HPS4: variants seen among roughly 807,000 people sequenced by gnomAD.
HPS4 encodes HPS4 biogenesis of lysosomal organelles complex 3 subunit 2.
A neutral mutation model predicts 70.3 loss-of-function variants in HPS4; 44 were observed. That is an observed-to-expected ratio of 0.63 (90% CI 0.49 to 0.80). HPS4 has a LOEUF of 0.80. HPS4 is among the 30% of genes least tolerant of loss of function. The probability of loss-of-function intolerance (pLI) is 0.00; values close to 1 mark genes in which losing one functional copy is unlikely to be tolerated. For missense variants in HPS4, 873 were observed against 884.4 expected, an observed-to-expected ratio of 0.99 and a Z score of 0.16; for synonymous variants, 377 against 355.9, an observed-to-expected ratio of 1.06 and a Z score of -0.67.
At chr22:26,481,576 G>C in intron 2 of HPS4, 146 bp downstream of exon 2, 1 of 760,842 alleles carries the variant, frequency 1.3e-6, no homozygotes, top group Non-Finnish European at 2.3e-6. Flanking sequence ...TGGCTCACGT[G>C]CTTGATTCAG....
rs201060756 is a variant in HPS4, at chr22:26,472,802, A to G, written c.384+30T>C. ...ATACCGGTTTTTATAAAGAGGCCCA[A>G]TGTAAGACTCCTCAACCCCATACTT... is the stretch of plus-strand genomic sequence containing the variant. On this transcript the variant is annotated intron_variant, in intron 5 of 13. Transcript: ENST00000398145. The G allele has an allele frequency of 4.9e-4, 744 of 1,524,758 alleles. 5 individuals are homozygous for G. The highest frequency in any genetic ancestry group is 9.4e-5 in the Non-Finnish European group (103 of 1,098,488). 94.5% of individuals were successfully genotyped at this position (1,524,758 alleles called of 1,614,324 possible). A position where few individuals can be genotyped will look rare whatever the true frequency, so the allele number is the denominator to read the frequency against.
intron 7 of HPS4, among the ~76,000 whole-genome samples, chr22:26,469,283 C>CAAAAAAAAA (rs5844704): frequency 9.5e-6 from 1 of 105,446 alleles, no homozygotes. Context: ...CCCATCTCTA[C>CAAAAAAAAA]AAAAAAAAAA....
rs773877528 is a variant in HPS4, at chr22:26,453,218, C to A, written c.*15G>T. 2 of 1,613,778 alleles carry A rather than the reference C, an allele frequency of 1.2e-6. No individual in the cohort carries two copies. The highest frequency in any genetic ancestry group is 1.7e-4 in the Middle Eastern group (1 of 6,060). ...TTGCTGGTTTTCTCCTTCCCAGTCA[C>A]CTCCTGGGTGCAGTTCAGAGCAAGT... On this transcript the variant is annotated 3_prime_UTR_variant, in exon 14 of 14. Transcript: ENST00000398145.
intron 2 of HPS4, chr22:26,479,608 A>G: frequency 7.5e-7 from 1 of 1,329,722 alleles, no homozygotes; most frequent in Non-Finnish European, 9.6e-7. Context: ...GAGTAGCTAG[A>G]AAAAAAAACG....
In HPS4 at chr22:26,472,291, G is replaced by A; in HGVS notation, c.501+11C>T. On this transcript the variant is annotated intron_variant, in intron 6 of 13. Transcript: ENST00000398145. ...TACATATAAAATGAATAAGGAGGATGAAAATGTTACTTTAGTTTGGTCCAA... is the reference window on the plus strand; with the variant it reads ...TACATATAAAATGAATAAGGAGGATAAAAATGTTACTTTAGTTTGGTCCAA... 1.4e-6 allele frequency: 2 copies of A among 1,469,624 alleles called. No homozygotes were observed. Among genetic ancestry groups the A allele is most frequent in the African/African-American group, 1.4e-5 (1 of 72,324 alleles). 91.0% of individuals were successfully genotyped at this position (1,469,624 alleles called of 1,614,324 possible). A position where few individuals can be genotyped will look rare whatever the true frequency, so the allele number is the denominator to read the frequency against.
At chr22:26,478,776 T>C (rs1289409473) in intron 3 of HPS4, among the ~76,000 whole-genome samples, 1 of 151,830 alleles carries the variant, frequency 6.6e-6, no homozygotes. Flanking sequence ...CTCTGCCTCC[T>C]GGATTCAAGC....
intron 3 of HPS4, among the ~76,000 whole-genome samples, chr22:26,445,275 A>C (rs1289465450): frequency 6.6e-6 from 1 of 152,182 alleles, no homozygotes; most frequent in Non-Finnish European, 1.5e-5. Context: ...CGGGGGCTGC[A>C]GTGAGCCTAG....
At chr22:26,468,425 G>C (rs1253335228) in intron 8 of HPS4, 126 bp downstream of exon 8, 3 of 790,898 alleles carry the variant, frequency 3.8e-6, no homozygotes, top group South Asian at 1.5e-5. Context: ...TGGAGGACTT[G>C]GGGTCCTGAC....
At chr22:26,477,252 G>A in intron 3 of HPS4, 116 bp from the exon 4 acceptor site, 1 of 1,041,038 alleles carries the variant, frequency 9.6e-7, no homozygotes, top group South Asian at 1.3e-5. Context: ...GTTTTCCTAT[G>A]GCCTGTAAGC....
chr22:26,472,485 C>A, intron 5 of HPS4, 67 bp from the exon 6 acceptor site: 2 of 1,007,932 alleles, frequency 2.0e-6, no homozygotes, highest in Non-Finnish European at 3.2e-6. Context: ...GCCAGAGTCC[C>A]AACTACCTCA....
At position 26,464,319 on chromosome 22, in the gene HPS4, A is replaced by C; in HGVS notation, c.1311T>G (p.His437Gln). 6.2e-7 allele frequency: 1 copy of C among 1,614,106 alleles called. No homozygotes were observed. The highest frequency in any genetic ancestry group is 1.3e-5 in the African/African-American group (1 of 75,036). Residue 437 changes from histidine to glutamine, a missense_variant, in exon 11 of 14, where the codon CAT (histidine) becomes CAG (glutamine). Physicochemically the swap from His to Gln is conservative, Grantham distance 24. Coordinates refer to ENST00000398145, the MANE Select transcript of HPS4 (RefSeq NM_022081.6). ...GGTCTTCGAGCTGCTCTTGGGCTCC[A>C]TGCTGGGTCAGCATCTCAGGAGCAG... ...PPSAPEMLTQHGAQEQLEDHP... is the reference protein window; with the variant it reads ...PPSAPEMLTQQGAQEQLEDHP...
chr22:26,475,610 C>A, intron 4 of HPS4: 1 of 152,194 alleles, frequency 6.6e-6, no homozygotes, highest in Non-Finnish European at 1.5e-5. Context: ...TCTTGGCCTC[C>A]CAAAGTGCTG....
chr22:26,476,355 CT>C (rs879845350), intron 4 of HPS4: 554 of 143,198 alleles, frequency 3.9e-3, no homozygotes, highest in East Asian at 4.0e-3. Flanking sequence ...GATTTTTATT[CT>C]TTTTTTTTTT....
At chr22:26,464,948 T>A in intron 10 of HPS4, 122 bp from the exon 11 acceptor site, 1 of 849,540 alleles carries the variant, frequency 1.2e-6, no homozygotes, top group Non-Finnish European at 1.8e-6. Flanking sequence ...CCACAGAGCC[T>A]AAGAGGCCAC....
At chr22:26,445,398 T>A (rs2084920641) in intron 3 of HPS4, among the ~76,000 whole-genome samples, 1 of 152,148 alleles carries the variant, frequency 6.6e-6, no homozygotes, top group South Asian at 2.1e-4. Context: ...TTGAGTGATG[T>A]CACAGAGACA....
At chr22:26,470,624 A>G (rs532659605) in intron 7 of HPS4, 95 bp downstream of exon 7, 2 of 1,259,734 alleles carry the variant, frequency 1.6e-6, no homozygotes, top group Admixed American at 3.6e-5. Flanking sequence ...GGAACTGGCC[A>G]GAGACTGGGC....
intron 11 of HPS4, among the ~76,000 whole-genome samples, chr22:26,462,032 A>T (rs1486928514): frequency 2.0e-5 from 3 of 151,824 alleles, no homozygotes; most frequent in African/African-American, 7.3e-5. Flanking sequence ...AGGTTGAGGT[A>T]GGAGAACCGC....
intron 11 of HPS4, among the ~76,000 whole-genome samples, chr22:26,460,033 A>C (rs1270070559): frequency 6.6e-6 from 1 of 152,246 alleles, no homozygotes; most frequent in Non-Finnish European, 1.5e-5. Flanking sequence ...TATTGGTGTT[A>C]AATCAGTTTT....
Position 26,468,536 on chromosome 22 carries a change from T to C in HPS4, c.669+15A>G, listed in dbSNP as rs2089161988. 2 of 1,612,076 alleles carry C rather than the reference T, an allele frequency of 1.2e-6. No homozygotes were observed. The highest frequency in any genetic ancestry group is 1.3e-5 in the African/African-American group (1 of 74,932). On this transcript the variant is annotated intron_variant, in intron 8 of 13. Coordinates refer to ENST00000398145, the MANE Select transcript of HPS4 (RefSeq NM_022081.6). ...GGGGGATGCTGTCCAGCCAGGTGGG[T>C]GGACTTTACAATACCTGCTCCTGAG...
Sources: gnomAD v4.1 joint callset for allele counts (sites outside exome capture counted in the v4.1 genomes callset) on GRCh38, gnomAD v4.1.1 for gene constraint, MANE v1.5 for transcripts, NCBI Gene and HGNC (gene_info 2026-07-23, HGNC 2026-07-21) for gene names.